Variants in TMPRSS15 observed in about 807,000 individuals in gnomAD.
TMPRSS15 encodes transmembrane serine protease 15.
TMPRSS15 carries 128 observed loss-of-function variants against 125.3 expected under a neutral mutation model. The observed-to-expected ratio is 1.02, with a 90% CI of 0.89 to 1.18. The LOEUF is 1.18. Ranked by LOEUF, TMPRSS15 falls within the 50% of genes most tolerant of loss-of-function variation. TMPRSS15 has a pLI of 0.00. For missense variants in TMPRSS15, 1,283 were observed against 1,212.7 expected, an observed-to-expected ratio of 1.06 and a Z score of -0.86; for synonymous variants, 446 against 423.2, an observed-to-expected ratio of 1.05 and a Z score of -0.66.
In TMPRSS15 at chr21:18,420,636, C is replaced by T. The variant is rs1601456863; in HGVS notation, c.11-22307G>A. Among the ~76,000 whole-genome samples the T allele has an allele frequency of 2.6e-5, 4 of 152,292 alleles. 1 individual carries two copies. Among genetic ancestry groups the T allele is most frequent in the Admixed American group, 2.6e-4 (4 of 15,296 alleles). ...GTAACAAAAGCACTTGATCTTACTG[C>T]TGTATAAAATAAGCTTTTTATCTTG... is the stretch of plus-strand genomic sequence containing the variant. On this transcript the variant is annotated intron_variant, in intron 1 of 7. Coordinates refer to the TMPRSS15 transcript ENST00000422787.
At chr21:18,355,598 A>G (rs2075617349) in intron 8 of TMPRSS15, among the ~76,000 whole-genome samples, 1 of 151,744 alleles carries the variant, frequency 6.6e-6, no homozygotes, top group Non-Finnish European at 1.5e-5. Context: ...AGTGGTTAAG[A>G]GCAGGGGCTC....
Position 18,297,870 on chromosome 21 carries a change from A to G in TMPRSS15, c.2166-41T>C, listed in dbSNP as rs184321759. ...AAAAGCATACAGACAAAACAAAAGC[A>G]TAAAGAAAAGACCATAAGTTAGACT... On this transcript the variant is annotated intron_variant, in intron 18 of 24. Coordinates refer to ENST00000284885, the MANE Select transcript of TMPRSS15 (RefSeq NM_002772.3). 2,484 of 1,477,578 alleles carry G rather than the reference A, an allele frequency of 1.7e-3. 11 individuals carry two copies. The highest frequency in any genetic ancestry group is 1.3e-3 in the Non-Finnish European group (1,403 of 1,058,422). 91.5% of individuals were successfully genotyped at this position (1,477,578 alleles called of 1,614,324 possible). A position where few individuals can be genotyped will look rare whatever the true frequency, so the allele number is the denominator to read the frequency against.
In TMPRSS15 at chr21:18,463,748, T is replaced by C. The variant is rs2122954109; in HGVS notation, c.10+22051A>G. On this transcript the variant is annotated intron_variant, in intron 1 of 7. Coordinates refer to the TMPRSS15 transcript ENST00000422787. ...AAAGAATGGAAGTCATGACAAATTGTCTCTCATACTACAGTGCAATCAAAT... is the reference window on the plus strand; with the variant it reads ...AAAGAATGGAAGTCATGACAAATTGCCTCTCATACTACAGTGCAATCAAAT... Among the ~76,000 whole-genome samples, 6 of 152,248 alleles carry C rather than the reference T, an allele frequency of 3.9e-5. 1 individual carries two copies. Among genetic ancestry groups the C allele is most frequent in the Admixed American group, 1.3e-4 (2 of 15,300 alleles).
chr21:18,414,574 G>A lies in TMPRSS15; in HGVS notation c.11-16245C>T, dbSNP rs1051546384. On this transcript the variant is annotated intron_variant, in intron 1 of 7. Coordinates refer to the TMPRSS15 transcript ENST00000422787. The stretch of plus-strand genomic sequence containing the variant: ...GTCTGCTTCTATGAGTTTGACTATT[G>A]TAGATACCTCATATAATTAGAATCA... Among the ~76,000 whole-genome samples, 7 of 152,082 alleles carry A rather than the reference G, an allele frequency of 4.6e-5. No homozygotes were observed. In the East Asian group the frequency reaches 7.7e-4, roughly 17 times the overall value.
At chr21:18,327,199 C>G (rs1339611414) in intron 15 of TMPRSS15, among the ~76,000 whole-genome samples, 2 of 152,110 alleles carry the variant, frequency 1.3e-5, no homozygotes, top group Non-Finnish European at 2.9e-5. Context: ...TTCCTGCCTA[C>G]AAATTTTAAA....
intron 1 of TMPRSS15, among the ~76,000 whole-genome samples, chr21:18,484,866 C>T (rs1228191749): frequency 6.6e-6 from 1 of 151,450 alleles, no homozygotes; most frequent in Non-Finnish European, 1.5e-5. Flanking sequence ...CTGTTTTTAT[C>T]TTTCTTCTGT....
intron 24 of TMPRSS15, among the ~76,000 whole-genome samples, chr21:18,270,785 T>A (rs1007734328): frequency 4.6e-5 from 7 of 152,206 alleles, no homozygotes; most frequent in African/African-American, 9.6e-5. Context: ...TTTCATAGAT[T>A]TTATTTGCAC....
intron 21 of TMPRSS15, among the ~76,000 whole-genome samples, chr21:18,282,097 CAAAAAAAA>C (rs954911028): frequency 4.8e-4 from 12 of 24,960 alleles, no homozygotes; most frequent in South Asian, 2.1e-3. Context: ...GACTCCGCCT[CAAAAAAAA>C]AAAAAAAAAA....
At chr21:18,345,761 A>AAAAAAAAAAAAAAAC in intron 10 of TMPRSS15, among the ~76,000 whole-genome samples, 1 of 145,058 alleles carries the variant, frequency 6.9e-6, no homozygotes, top group Non-Finnish European at 1.5e-5. Context: ...AAAAAAAAAA[A>AAAAAAAAAAAAAAAC]ATCCACTGAA....
chr21:18,413,341 TTCC>T, intron 1 of TMPRSS15, among the ~76,000 whole-genome samples: 2 of 142,310 alleles, frequency 1.4e-5, no homozygotes, highest in African/African-American at 5.3e-5. Flanking sequence ...CCTTCCTTCC[TTCC>T]TTCCTTCCTT....
At chr21:18,406,435 T>C (rs1315494967), upstream of TMPRSS15, among the ~76,000 whole-genome samples, 1 of 152,096 alleles carries the variant, frequency 6.6e-6, no homozygotes, top group Admixed American at 6.6e-5. Context: ...ATAGCTGCTA[T>C]GGCTTACAAA....
rs2076219446 is a variant in TMPRSS15 at position 18,432,988 on chromosome 21, C to A, written c.11-34659G>T. On this transcript the variant is annotated intron_variant, in intron 1 of 7. Transcript: ENST00000422787. ...AAGTAATGCAAAGATTCCCGTGTACCTTTCTCGGAAAGATAACTTTGTATC... is the reference window on the plus strand; with the variant it reads ...AAGTAATGCAAAGATTCCCGTGTACATTTCTCGGAAAGATAACTTTGTATC... Among the ~76,000 whole-genome samples, 3 of 151,982 alleles carry A rather than the reference C, an allele frequency of 2.0e-5. No individual in the cohort carries two copies. The South Asian group carries it at 6.2e-4, about 32-fold the overall frequency.
At position 18,372,344 on chromosome 21, in the gene TMPRSS15, T is replaced by C. The variant is rs758789593; in HGVS notation, c.533-20A>G. ...CATTTCCTTTAAAAAATAACTGAAA[T>C]TAATTTCCAATTGATGAGATATGTA... On this transcript the variant is annotated intron_variant, in intron 5 of 24. Transcript: ENST00000284885. 3.1e-6 allele frequency: 5 copies of C among 1,610,172 alleles called. No homozygotes were observed. The highest frequency in any genetic ancestry group is 4.2e-6 in the Non-Finnish European group (5 of 1,177,226).
chr21:18,305,430 C>CT (rs1237298534), intron 18 of TMPRSS15, among the ~76,000 whole-genome samples: 3 of 152,034 alleles, frequency 2.0e-5, no homozygotes. Context: ...CCTCGTGATC[C>CT]GCCCTTCTCG....
intron 10 of TMPRSS15, among the ~76,000 whole-genome samples, chr21:18,346,870 C>T (rs983909481): frequency 3.0e-4 from 45 of 152,150 alleles, no homozygotes; most frequent in African/African-American, 9.7e-4. Context: ...CTCTTTATTT[C>T]TTATTAAACC....
At chr21:18,341,352 T>C in intron 13 of TMPRSS15, 61 bp downstream of exon 13, 4 of 1,604,696 alleles carry the variant, frequency 2.5e-6, no homozygotes, top group Non-Finnish European at 3.4e-6. Flanking sequence ...ATTATAGCTG[T>C]GAGCCTCCAC....
chr21:18,339,932 G>A (rs1189158654), intron 13 of TMPRSS15, among the ~76,000 whole-genome samples: 2 of 152,068 alleles, frequency 1.3e-5, no homozygotes, highest in East Asian at 3.9e-4. Context: ...GGCTCGATTT[G>A]GTTCTTTTGA....
intron 1 of TMPRSS15, among the ~76,000 whole-genome samples, chr21:18,423,409 CTTTTT>C (rs5842689): frequency 2.3e-5 from 3 of 128,740 alleles, no homozygotes; most frequent in Non-Finnish European, 3.3e-5. Context: ...AAAATAAATT[CTTTTT>C]TTTTTTTTTT....
chr21:18,403,670 ATAAT>A lies in TMPRSS15; in HGVS notation c.-52_-49del. 6.2e-7 allele frequency: 1 copy of A among 1,611,598 alleles called. No homozygotes were observed. The highest frequency in any genetic ancestry group is 8.5e-7 in the Non-Finnish European group (1 of 1,178,162). On this transcript the variant is annotated 5_prime_UTR_variant, in exon 1 of 25. Coordinates refer to ENST00000284885, the MANE Select transcript of TMPRSS15 (RefSeq NM_002772.3). ...ATTTAAGAACTGAAAGAGAATATAA[ATAAT>A]TCTACCAACTGAAGAGAAAAATCTC...
Sources: allele counts gnomAD v4.1 joint callset (sites outside exome capture counted in the v4.1 genomes callset), GRCh38; gene constraint gnomAD v4.1.1; transcripts MANE v1.5; gene names NCBI Gene and HGNC (gene_info 2026-07-23, HGNC 2026-07-21).